Variants in KCNIP1 observed in about 807,000 individuals in gnomAD.
The protein encoded by KCNIP1 is potassium voltage-gated channel interacting protein 1.
A neutral mutation model predicts 33.0 loss-of-function variants in KCNIP1; 18 were observed. The ratio of observed to expected loss-of-function variants is 0.55; its 90% CI spans 0.38 to 0.81. KCNIP1 has a LOEUF of 0.81. KCNIP1 is among the 30% of genes least tolerant of loss of function. The pLI, the probability that KCNIP1 is intolerant of heterozygous loss-of-function variation, is 0.00. For synonymous variants in KCNIP1, 93 were observed against 98.3 expected (o/e 0.95, Z 0.32); for missense variants, 238 against 271.6 (o/e 0.88, Z 0.87).
chr5:170,588,565 G>A (rs1009753266), intron 1 of KCNIP1, among the ~76,000 whole-genome samples: 24 of 152,178 alleles, frequency 1.6e-4, no homozygotes, highest in African/African-American at 5.8e-4. Context: ...CAGGAGAAAG[G>A]CAGGCTCAGA....
intron 1 of KCNIP1, among the ~76,000 whole-genome samples, chr5:170,391,460 G>A (rs553597939): frequency 3.4e-4 from 52 of 152,326 alleles, no homozygotes; most frequent in Middle Eastern, 3.4e-3. Context: ...CCCTGTCCTC[G>A]AGGGTTTGTG....
intron 1 of KCNIP1, among the ~76,000 whole-genome samples, chr5:170,560,853 G>A (rs1391677836): frequency 6.6e-6 from 1 of 151,990 alleles, no homozygotes; most frequent in African/African-American, 2.4e-5. Context: ...TCTCTGTGGG[G>A]TTTTTTCTTC....
At chr5:170,368,302 G>C (rs1334651845) in intron 1 of KCNIP1, among the ~76,000 whole-genome samples, 1 of 152,110 alleles carries the variant, frequency 6.6e-6, no homozygotes, top group African/African-American at 2.4e-5. Context: ...GTCTCACTCT[G>C]TCACCAGGCT....
chr5:170,422,552 T>C (rs577516321), intron 1 of KCNIP1: 1 of 71,050 alleles, frequency 1.4e-5, no homozygotes, highest in Non-Finnish European at 2.9e-5. Context: ...GGAAAGTGAT[T>C]GGCTGGAGTG....
At chr5:170,506,202 G>T (rs1182010819) in intron 1 of KCNIP1, among the ~76,000 whole-genome samples, 2 of 152,098 alleles carry the variant, frequency 1.3e-5, no homozygotes, top group East Asian at 3.9e-4. Flanking sequence ...AAGATCTCAA[G>T]CCCTAGAGTC....
At chr5:170,676,143 A>G (rs1762129938) in intron 1 of KCNIP1, among the ~76,000 whole-genome samples, 2 of 80,188 alleles carry the variant, frequency 2.5e-5, no homozygotes, top group Non-Finnish European at 4.9e-5. Context: ...CGGGGGAGGG[A>G]GAGAAGGGGG....
intron 1 of KCNIP1, among the ~76,000 whole-genome samples, chr5:170,392,625 C>G (rs1345186756): frequency 6.6e-6 from 1 of 152,174 alleles, no homozygotes; most frequent in African/African-American, 2.4e-5. Context: ...TAGTTCGAGA[C>G]CAGCCTGGCC....
At position 170,451,579 on chromosome 5, in the gene KCNIP1, CAA is replaced by C. The variant is rs11365624; in HGVS notation, c.88+97627_88+97628del. ...CCCATTTCCCAGAAACCTGAACTTG[CAA>C]AAAAAAAAAAATACCTAATTAAACA... On this transcript the variant is annotated intron_variant, in intron 1 of 7. Transcript: ENST00000377360. Among the ~76,000 whole-genome samples the C allele has an allele frequency of 2.5e-3, 359 of 143,514 alleles. 2 individuals are homozygous for C. Among genetic ancestry groups the C allele is most frequent in the South Asian group, 0.01 (47 of 4,548 alleles). The allele number at this position is 143,514 out of a possible 152,430, so 94.2% of individuals were successfully genotyped here.
At chr5:170,638,830 C>A (rs1760404929) in intron 1 of KCNIP1, among the ~76,000 whole-genome samples, 2 of 152,226 alleles carry the variant, frequency 1.3e-5, no homozygotes, top group Admixed American at 1.3e-4. Flanking sequence ...TCTCCCGAAT[C>A]TCCGGGCTTC....
chr5:170,493,416 G>T (rs1757247480), intron 1 of KCNIP1, among the ~76,000 whole-genome samples: 1 of 152,192 alleles, frequency 6.6e-6, no homozygotes, highest in South Asian at 2.1e-4. Context: ...AGCTAGGAAG[G>T]TTCCATCCCT....
intron 1 of KCNIP1, among the ~76,000 whole-genome samples, chr5:170,364,297 G>A (rs1692701609): frequency 6.6e-6 from 1 of 152,100 alleles, no homozygotes; most frequent in Admixed American, 6.6e-5. Flanking sequence ...GCCATACCTG[G>A]CCCTCACTTA....
At position 170,712,874 on chromosome 5, in the gene KCNIP1, C is replaced by T. The variant is rs547044171; in HGVS notation, c.62-5884C>T. 52 of 1,613,796 alleles carry T rather than the reference C, an allele frequency of 3.2e-5. No homozygotes were observed. The East Asian group carries it at 1.1e-3, about 34-fold the overall frequency. On this transcript the variant is annotated intron_variant, in intron 1 of 7. Coordinates refer to ENST00000328939, the MANE Select transcript of KCNIP1 (RefSeq NM_014592.4). ...CCTAGACATCGCCTGGTGGTATTAC[C>T]AGTATCAGAGAGGTAAAAAACAGTT...
At chr5:170,617,199 T>C (rs1454748127) in intron 1 of KCNIP1, among the ~76,000 whole-genome samples, 1 of 151,954 alleles carries the variant, frequency 6.6e-6, no homozygotes, top group East Asian at 1.9e-4. Flanking sequence ...CATTACAAGA[T>C]AACAGGCCTT....
Position 170,390,517 on chromosome 5 carries a change from A to AATATATATATATAT in KCNIP1, c.88+36562_88+36575dup, listed in dbSNP as rs1554088940. Among the ~76,000 whole-genome samples the AATATATATATATAT allele has an allele frequency of 1.6e-3, 120 of 74,418 alleles. 5 individuals carry two copies. Among genetic ancestry groups the AATATATATATATAT allele is most frequent in the South Asian group, 2.2e-3 (5 of 2,260 alleles). 48.8% of individuals were successfully genotyped at this position (74,418 alleles called of 152,430 possible). A position where few individuals can be genotyped will look rare whatever the true frequency, so the allele number is the denominator to read the frequency against. ...GACCCCGTCTCAAAAAAAAAAAACA[A>AATATATATATATAT]ATATATATATATATATATATATTTT... On this transcript the variant is annotated intron_variant, in intron 1 of 7. Coordinates refer to the KCNIP1 transcript ENST00000377360.
intron 1 of KCNIP1, among the ~76,000 whole-genome samples, chr5:170,423,247 C>T (rs1293549124): frequency 6.6e-6 from 1 of 151,336 alleles, no homozygotes; most frequent in Non-Finnish European, 1.5e-5. Context: ...GATTTTTGGT[C>T]TTTTGACTCT....
At chr5:170,391,894 C>G (rs1754605404) in intron 1 of KCNIP1, among the ~76,000 whole-genome samples, 1 of 152,210 alleles carries the variant, frequency 6.6e-6, no homozygotes, top group Non-Finnish European at 1.5e-5. Context: ...ATGGTCACAC[C>G]AAATACTTCC....
At chr5:170,365,727 C>A (rs900239707) in intron 1 of KCNIP1, among the ~76,000 whole-genome samples, 1 of 152,238 alleles carries the variant, frequency 6.6e-6, no homozygotes, top group East Asian at 1.9e-4. Context: ...TCACTGGATG[C>A]TGAATCCATT....
chr5:170,420,556 A>G, intron 1 of KCNIP1: 1 of 151,402 alleles, frequency 6.6e-6, no homozygotes, highest in African/African-American at 2.5e-5. Context: ...AATAAAAAGA[A>G]TACAGCGTAT....
At chr5:170,390,518 AT>A (rs11345896) in intron 1 of KCNIP1, among the ~76,000 whole-genome samples, 24,483 of 83,474 alleles carry the variant, frequency 0.29, 3,739 homozygotes, top group Non-Finnish European at 0.35. Context: ...AAAAAAACAA[AT>A]ATATATATAT....
Sources: gnomAD v4.1 joint callset for allele counts (sites outside exome capture counted in the v4.1 genomes callset) on GRCh38, gnomAD v4.1.1 for gene constraint, MANE v1.5 for transcripts, NCBI Gene and HGNC (gene_info 2026-07-23, HGNC 2026-07-21) for gene names.